The following CCDC102B variants were observed in gnomAD, a reference collection of about 807,000 sequenced individuals.
The protein encoded by CCDC102B is coiled-coil domain containing 102B, also known as coiled-coil domain-containing protein 102B.
In CCDC102B, 75 loss-of-function variants were observed where a neutral mutation model predicts 57.4. That is an observed-to-expected ratio of 1.31 (90% CI 1.08 to 1.58). The LOEUF (loss-of-function observed/expected upper bound fraction) is 1.58. Among genes scored for constraint, CCDC102B ranks in the 40% most tolerant of loss-of-function variants. CCDC102B has a pLI of 0.00. For missense variants in CCDC102B, 636 were observed against 582.6 expected, an observed-to-expected ratio of 1.09 and a Z score of -0.94; for synonymous variants, 206 against 201.9, an observed-to-expected ratio of 1.02 and a Z score of -0.17.
At chr18:69,012,213 T>C (rs962923305) in intron 7 of CCDC102B, among the ~76,000 whole-genome samples, 7 of 152,160 alleles carry the variant, frequency 4.6e-5, no homozygotes, top group Non-Finnish European at 5.9e-5. Flanking sequence ...ATTTTAGGTT[T>C]TTTATTTTAT....
chr18:69,034,755 G>A (rs2052242901), intron 7 of CCDC102B, among the ~76,000 whole-genome samples: 1 of 151,148 alleles, frequency 6.6e-6, no homozygotes, highest in Admixed American at 6.6e-5. Context: ...TGCTGTGCAT[G>A]TGTATATATA....
chr18:68,856,224 G>A (rs1384974656), intron 4 of CCDC102B, among the ~76,000 whole-genome samples: 1 of 152,064 alleles, frequency 6.6e-6, no homozygotes, highest in Non-Finnish European at 1.5e-5. Context: ...AATAAATTAT[G>A]TTAATTCTTT....
At chr18:68,980,879 A>AG (rs1410275338) in intron 6 of CCDC102B, among the ~76,000 whole-genome samples, 3 of 152,012 alleles carry the variant, frequency 2.0e-5, no homozygotes, top group Non-Finnish European at 4.4e-5. Context: ...TCTGAGATAA[A>AG]GGGGGAGTAT....
intron 6 of CCDC102B, among the ~76,000 whole-genome samples, chr18:68,982,625 TG>T (rs767402549): frequency 2.2e-4 from 34 of 152,108 alleles, no homozygotes; most frequent in Admixed American, 3.9e-4. Flanking sequence ...TTTAGTACAT[TG>T]TTTTTTTTAA....
chr18:68,732,378 C>T (rs1309648392), intron 2 of CCDC102B, among the ~76,000 whole-genome samples: 2 of 150,152 alleles, frequency 1.3e-5, no homozygotes, highest in East Asian at 2.0e-4. Context: ...TGGAGTGTTG[C>T]TCTGTCACCC....
intron 2 of CCDC102B, among the ~76,000 whole-genome samples, chr18:68,791,200 T>C (rs1454699817): frequency 1.3e-5 from 2 of 152,170 alleles, no homozygotes; most frequent in African/African-American, 4.8e-5. Flanking sequence ...ATAGTTCGAG[T>C]TTACAGATTC....
At chr18:68,811,600 A>T (rs550182253) in intron 1 of CCDC102B, among the ~76,000 whole-genome samples, 1 of 152,324 alleles carries the variant, frequency 6.6e-6, no homozygotes, top group East Asian at 1.9e-4. Flanking sequence ...GGGCAACAAG[A>T]GTGAAATTTC....
At position 68,726,469 on chromosome 18, in the gene CCDC102B, T is replaced by G. The variant is rs182534697; in HGVS notation, c.-67+9875T>G. Among the ~76,000 whole-genome samples the G allele has an allele frequency of 6.3e-3, 964 of 152,366 alleles. 9 individuals are homozygous for G. The highest frequency in any genetic ancestry group is 0.011 in the Non-Finnish European group (723 of 68,030). On this transcript the variant is annotated intron_variant, in intron 2 of 3. Coordinates refer to the CCDC102B transcript ENST00000578970. The stretch of plus-strand genomic sequence containing the variant: ...AGAGAGGCTGATGGACGATGGAGAC[T>G]ATCAGTAGTTACTGGAAACTCCATT...
At chr18:68,977,941 A>G (rs2050483426) in intron 6 of CCDC102B, among the ~76,000 whole-genome samples, 1 of 151,982 alleles carries the variant, frequency 6.6e-6, no homozygotes, top group Admixed American at 6.6e-5. Flanking sequence ...AGATCCACAT[A>G]GGAGCTGATG....
At position 68,968,732 on chromosome 18, in the gene CCDC102B, C is replaced by T. The variant is rs561263831; in HGVS notation, c.1264-42202C>T. On this transcript the variant is annotated intron_variant, in intron 6 of 7. Transcript: ENST00000360242. ...CCTCCAGCCCCTGGTAACCACAGTTCTGTTGTTTACTTCTATACCTATGAC... is the reference window on the plus strand; with the variant it reads ...CCTCCAGCCCCTGGTAACCACAGTTTTGTTGTTTACTTCTATACCTATGAC... Among the ~76,000 whole-genome samples the T allele has an allele frequency of 3.3e-5, 5 of 152,296 alleles. No individual in the cohort carries two copies. The East Asian group carries it at 9.7e-4, about 29-fold the overall frequency.
intron 7 of CCDC102B, among the ~76,000 whole-genome samples, chr18:69,046,210 C>G (rs934104553): frequency 1.3e-5 from 2 of 152,148 alleles, no homozygotes; most frequent in Non-Finnish European, 1.5e-5. Flanking sequence ...AATTTACACT[C>G]CCACCCAAAA....
intron 6 of CCDC102B, among the ~76,000 whole-genome samples, chr18:68,998,062 C>T (rs915702651): frequency 2.6e-5 from 4 of 151,844 alleles, no homozygotes; most frequent in Middle Eastern, 3.2e-3. Flanking sequence ...CTTTGTATTC[C>T]CACGGTTTCA....
chr18:68,991,739 T>C (rs1182587900), intron 6 of CCDC102B, among the ~76,000 whole-genome samples: 4 of 152,256 alleles, frequency 2.6e-5, no homozygotes, highest in African/African-American at 7.2e-5. Context: ...TAGAAGTCGT[T>C]AAATATCACA....
At chr18:69,009,924 A>ATTTTTTTTTTTTGTTTTTTTTTTTTT (rs2051458191) in intron 6 of CCDC102B, among the ~76,000 whole-genome samples, 1 of 33,514 alleles carries the variant, frequency 3.0e-5, no homozygotes, top group Non-Finnish European at 5.8e-5. Flanking sequence ...TTTAATAAAG[A>ATTTTTTTTTTTTGTTTTTTTTTTTTT]TTTTTTTTTT....
intron 7 of CCDC102B, among the ~76,000 whole-genome samples, chr18:69,028,836 C>T (rs1398801291): frequency 6.6e-6 from 1 of 151,864 alleles, no homozygotes; most frequent in East Asian, 1.9e-4. Context: ...TCAGATAATT[C>T]CTTATTGCTC....
chr18:68,863,438 G>T (rs2038846485), intron 4 of CCDC102B, among the ~76,000 whole-genome samples: 1 of 151,916 alleles, frequency 6.6e-6, no homozygotes, highest in Admixed American at 6.6e-5. Context: ...ATATATGATT[G>T]TGTCTCACTG....
intron 7 of CCDC102B, among the ~76,000 whole-genome samples, chr18:69,030,857 A>G (rs757372644): frequency 2.6e-5 from 4 of 151,948 alleles, no homozygotes; most frequent in Non-Finnish European, 5.9e-5. Context: ...GTTTCAACAT[A>G]TTGGCCAGGC....
At chr18:68,872,788 C>A (rs891737071) in intron 4 of CCDC102B, among the ~76,000 whole-genome samples, 18 of 152,102 alleles carry the variant, frequency 1.2e-4, no homozygotes, top group African/African-American at 4.3e-4. Context: ...TGCTTTTCTG[C>A]CACTCTTATG....
intron 7 of CCDC102B, among the ~76,000 whole-genome samples, chr18:69,034,120 G>A (rs2052221733): frequency 6.6e-6 from 1 of 151,602 alleles, no homozygotes; most frequent in African/African-American, 2.4e-5. Context: ...TATACAATTT[G>A]GAAATATTTT....
Sources: gnomAD v4.1 joint callset for allele counts (sites outside exome capture counted in the v4.1 genomes callset) on GRCh38, gnomAD v4.1.1 for gene constraint, MANE v1.5 for transcripts, NCBI Gene and HGNC (gene_info 2026-07-23, HGNC 2026-07-21) for gene names.